Variants in TBL1XR1 observed in about 807,000 individuals in gnomAD.
TBL1XR1 encodes F-box-like/WD repeat-containing protein TBL1XR1.
A neutral mutation model predicts 66.9 loss-of-function variants in TBL1XR1; 5 were observed. The observed-to-expected ratio is 0.07, with a 90% confidence interval of 0.04 to 0.16. The LOEUF is 0.16. Ranked by LOEUF, TBL1XR1 falls within the 10% of genes least tolerant of loss-of-function variation. The pLI, the probability that TBL1XR1 is intolerant of heterozygous loss-of-function variation, is 1.00. For missense variants in TBL1XR1, 238 were observed against 623.2 expected (o/e 0.38, Z 6.58); for synonymous variants, 210 against 206.0 (o/e 1.02, Z -0.17).
chr3:177,186,313 T>C (rs977957048), intron 1 of TBL1XR1, among the ~76,000 whole-genome samples: 8 of 152,240 alleles, frequency 5.3e-5, no homozygotes, highest in African/African-American at 1.2e-4. Context: ...CATTGTTATA[T>C]GAATGAGTGC....
intron 1 of TBL1XR1, among the ~76,000 whole-genome samples, chr3:177,173,101 C>A (rs879846289): frequency 6.6e-6 from 1 of 152,148 alleles, no homozygotes. Flanking sequence ...GCAGGAGAAT[C>A]GCTTGAACCT....
intron 3 of TBL1XR1, among the ~76,000 whole-genome samples, chr3:177,057,347 T>G (rs1717934567): frequency 6.6e-6 from 1 of 152,226 alleles, no homozygotes; most frequent in African/African-American, 2.4e-5. Flanking sequence ...ACTGTGTGGC[T>G]ATGGTTGTTT....
chr3:177,078,246 ATATTTT>A (rs1184453847), intron 2 of TBL1XR1, among the ~76,000 whole-genome samples: 1 of 152,198 alleles, frequency 6.6e-6, no homozygotes, highest in Non-Finnish European at 1.5e-5. Context: ...TTATTCAAAT[ATATTTT>A]TAAACTTTCA....
chr3:177,196,549 C>G (rs1245190060), intron 1 of TBL1XR1: 1 of 148,150 alleles, frequency 6.7e-6, no homozygotes, highest in South Asian at 2.1e-4. Context: ...CCCAGCACGC[C>G]GGCCGGGGTC....
chr3:177,137,664 G>T (rs1245711113), intron 1 of TBL1XR1, among the ~76,000 whole-genome samples: 1 of 152,084 alleles, frequency 6.6e-6, no homozygotes, highest in South Asian at 2.1e-4. Flanking sequence ...GAAGGGAAAA[G>T]ATTTAAATTA....
At chr3:177,175,484 T>C (rs1177205925) in intron 1 of TBL1XR1, among the ~76,000 whole-genome samples, 3 of 152,192 alleles carry the variant, frequency 2.0e-5, no homozygotes, top group Non-Finnish European at 4.4e-5. Flanking sequence ...ATTGAGAACG[T>C]GCCTGGAAAA....
chr3:177,162,179 CAT>C (rs1491269847), intron 1 of TBL1XR1, among the ~76,000 whole-genome samples: 5 of 152,220 alleles, frequency 3.3e-5, no homozygotes, highest in Admixed American at 6.5e-5. Flanking sequence ...GAAAACGCCA[CAT>C]ATCTGTCCAA....
rs61690535 is a variant in TBL1XR1 at position 177,135,352 on chromosome 3, T to C, written c.-121-36811A>G. On this transcript the variant is annotated intron_variant, in intron 1 of 15. Transcript: ENST00000457928. ...GTGTGTGTATACATATATATATATA[T>C]ATATATATATATATATATATATATA... 5.9e-3 allele frequency among the ~76,000 whole-genome samples: 133 copies of C among 22,496 alleles called. 1 individual carries two copies. The highest frequency in any genetic ancestry group is 8.2e-3 in the Non-Finnish European group (105 of 12,856). 14.8% of individuals were successfully genotyped at this position (22,496 alleles called of 152,430 possible). A position where few individuals can be genotyped will look rare whatever the true frequency, so the allele number is the denominator to read the frequency against.
intron 3 of TBL1XR1, among the ~76,000 whole-genome samples, chr3:177,064,383 A>G (rs1055676317): frequency 6.6e-6 from 1 of 152,244 alleles, no homozygotes; most frequent in East Asian, 1.9e-4. Flanking sequence ...CTATCAATAA[A>G]ACTTGGAAGA....
At chr3:177,069,518 G>A (rs1455615129) in intron 2 of TBL1XR1, among the ~76,000 whole-genome samples, 2 of 151,982 alleles carry the variant, frequency 1.3e-5, no homozygotes, top group African/African-American at 4.8e-5. Context: ...CAGATCACCT[G>A]AGGTCAGGAG....
At chr3:177,069,794 AAGG>A (rs1452391733) in intron 2 of TBL1XR1, among the ~76,000 whole-genome samples, 11 of 12,808 alleles carry the variant, frequency 8.6e-4, no homozygotes, top group African/African-American at 2.2e-3. Context: ...AAAGGAAGGA[AAGG>A]AAGGAAGGAA....
intron 1 of TBL1XR1, among the ~76,000 whole-genome samples, chr3:177,134,654 G>A (rs774889408): frequency 2.6e-5 from 4 of 152,058 alleles, no homozygotes; most frequent in Non-Finnish European, 4.4e-5. Context: ...GGTAATTTAA[G>A]AGACTCTGTT....
chr3:177,151,673 A>G (rs892727192), intron 1 of TBL1XR1, among the ~76,000 whole-genome samples: 8 of 152,180 alleles, frequency 5.3e-5, no homozygotes, highest in African/African-American at 1.7e-4. Context: ...CCTCCAGAAC[A>G]CCTGAGGCAT....
At chr3:177,133,124 A>G (rs1192430340) in intron 1 of TBL1XR1, among the ~76,000 whole-genome samples, 1 of 152,084 alleles carries the variant, frequency 6.6e-6, no homozygotes, top group Non-Finnish European at 1.5e-5. Context: ...CATCTCTACT[A>G]AAAATACAAA....
At chr3:177,188,408 G>A (rs1461580778) in intron 1 of TBL1XR1, among the ~76,000 whole-genome samples, 3 of 152,018 alleles carry the variant, frequency 2.0e-5, no homozygotes, top group Non-Finnish European at 2.9e-5. Flanking sequence ...TTAGGTAGGT[G>A]TGGTGGCACA....
rs1461455982 is a variant in TBL1XR1, at chr3:177,069,798, AAGGAAGG to A, written c.-45-4783_-45-4777del. On this transcript the variant is annotated intron_variant, in intron 2 of 15. Transcript: ENST00000457928. ...GAAAGGAAGGAAAAGGAAGGAAAGG[AAGGAAGG>A]AAGGAAGGAAGGAAGGAAGGAAGGA... Among the ~76,000 whole-genome samples, 217 of 65,084 alleles carry A rather than the reference AAGGAAGG, an allele frequency of 3.3e-3. 1 individual carries two copies. The highest frequency in any genetic ancestry group is 5.7e-3 in the Non-Finnish European group (167 of 29,554). 42.7% of individuals were successfully genotyped at this position (65,084 alleles called of 152,430 possible). A position where few individuals can be genotyped will look rare whatever the true frequency, so the allele number is the denominator to read the frequency against.
intron 10 of TBL1XR1, among the ~76,000 whole-genome samples, chr3:177,041,909 C>G (rs550422635): frequency 1.3e-5 from 2 of 152,156 alleles, no homozygotes; most frequent in Non-Finnish European, 2.9e-5. Context: ...GCAGCCTATC[C>G]TCTACAACCC....
rs761279435 is a variant in TBL1XR1, at chr3:177,053,936, GGCAT to G, written c.59-22_59-19del. On this transcript the variant is annotated intron_variant, in intron 3 of 15. Transcript: ENST00000457928. ...AGAAAATCCTAAAAACAAAAGAAAA[GGCAT>G]GAGAATTTATTTTCCTAGTGGCAAC... 2.3e-5 allele frequency: 37 copies of G among 1,590,594 alleles called. 3 individuals are homozygous for G. The South Asian group carries it at 3.9e-4, about 17-fold the overall frequency.
At chr3:177,130,978 A>T (rs1728223307) in intron 1 of TBL1XR1, among the ~76,000 whole-genome samples, 1 of 152,224 alleles carries the variant, frequency 6.6e-6, no homozygotes. Flanking sequence ...TCTGGGCAAC[A>T]TAGCAAGACC....
Sources: allele counts gnomAD v4.1 joint callset (sites outside exome capture counted in the v4.1 genomes callset), GRCh38; gene constraint gnomAD v4.1.1; transcripts MANE v1.5; gene names NCBI Gene and HGNC (gene_info 2026-07-23, HGNC 2026-07-21).